Variants in STON2 observed in about 807,000 individuals in gnomAD.
The protein encoded by STON2 is stonin 2.
STON2 carries 29 observed loss-of-function variants against 65.7 expected under a neutral mutation model. The observed-to-expected ratio is 0.44, with a 90% CI of 0.33 to 0.60. The LOEUF (loss-of-function observed/expected upper bound fraction) is 0.60, where lower values mean the gene tolerates loss of function less well. Ranked by LOEUF, STON2 falls within the 20% of genes least tolerant of loss-of-function variation. The probability of loss-of-function intolerance (pLI) is 0.03; values close to 1 mark genes in which losing one functional copy is unlikely to be tolerated. For synonymous variants in STON2, 404 were observed against 414.2 expected (o/e 0.98, Z 0.30); for missense variants, 1,054 against 1,118.1 (o/e 0.94, Z 0.82).
Position 81,263,354 on chromosome 14 carries a change from AT to A in STON2, c.*5059del, listed in dbSNP as rs1259973209. On this transcript the variant is annotated 3_prime_UTR_variant, in exon 8 of 8. Transcript: ENST00000614646. ...AGAAGTTCAAGACCAGCTGGCCAACATAATGAAATCCCATCTCTACTAAAAA... is the reference window on the plus strand; with the variant it reads ...AGAAGTTCAAGACCAGCTGGCCAACAAATGAAATCCCATCTCTACTAAAAA... Among the ~76,000 whole-genome samples, 1 of 152,136 alleles carries A rather than the reference AT, an allele frequency of 6.6e-6. No individual in the cohort carries two copies. The highest frequency in any genetic ancestry group is 1.5e-5 in the Non-Finnish European group (1 of 68,016).
At chr14:81,431,560 C>T (rs989389556) in intron 1 of STON2, among the ~76,000 whole-genome samples, 7 of 152,104 alleles carry the variant, frequency 4.6e-5, no homozygotes, top group African/African-American at 1.7e-4. Flanking sequence ...GGACACATTA[C>T]CTGAGATCAG....
At chr14:81,268,558 T>A in intron 7 of STON2, 61 bp from the exon 8 acceptor site, 3 of 1,285,498 alleles carry the variant, frequency 2.3e-6, no homozygotes, top group Non-Finnish European at 1.0e-6. Context: ...TGCAAATAAA[T>A]AAGTAAACCA....
chr14:81,385,443 C>A (rs1336840464), intron 3 of STON2, among the ~76,000 whole-genome samples: 2 of 152,140 alleles, frequency 1.3e-5, no homozygotes, highest in East Asian at 1.9e-4. Context: ...GTGTATGTAT[C>A]TATGTATATG....
At chr14:81,297,890 T>C (rs1478466648) in intron 5 of STON2, among the ~76,000 whole-genome samples, 1 of 151,826 alleles carries the variant, frequency 6.6e-6, no homozygotes, top group Non-Finnish European at 1.5e-5. Context: ...AATACAAAAT[T>C]AGATGGGTTT....
intron 4 of STON2, among the ~76,000 whole-genome samples, chr14:81,327,722 C>CGTTAA (rs763425086): frequency 9.2e-5 from 14 of 152,174 alleles, no homozygotes; most frequent in Non-Finnish European, 1.5e-4. Context: ...CTGTTTTTGG[C>CGTTAA]CACGACATGT....
At chr14:81,306,535 T>C (rs2140199260) in intron 5 of STON2, 1 of 152,272 alleles carries the variant, frequency 6.6e-6, no homozygotes, top group African/African-American at 2.4e-5. Context: ...TATAGGTCTA[T>C]GCCACTGTGC....
intron 4 of STON2, among the ~76,000 whole-genome samples, chr14:81,346,798 G>A (rs1207198837): frequency 6.6e-6 from 1 of 152,084 alleles, no homozygotes; most frequent in Non-Finnish European, 1.5e-5. Flanking sequence ...CAAATACATG[G>A]AAATTAGACA....
intron 5 of STON2, among the ~76,000 whole-genome samples, chr14:81,279,032 AT>A (rs1894999784): frequency 6.6e-6 from 1 of 152,206 alleles, no homozygotes; most frequent in Non-Finnish European, 1.5e-5. Flanking sequence ...TCCTTATTTT[AT>A]AAAAGCTTCT....
intron 4 of STON2, among the ~76,000 whole-genome samples, chr14:81,364,268 CTA>C (rs920002140): frequency 3.0e-4 from 45 of 152,238 alleles, no homozygotes; most frequent in African/African-American, 1.1e-3. Flanking sequence ...GTTTTAAAGC[CTA>C]TGAGGGTTTA....
At chr14:81,410,037 A>G (rs1901072059) in intron 2 of STON2, among the ~76,000 whole-genome samples, 1 of 152,130 alleles carries the variant, frequency 6.6e-6, no homozygotes, top group South Asian at 2.1e-4. Context: ...TAGTTCATAC[A>G]GCTCTGATCC....
At chr14:81,435,818 C>A (rs1902396750) in intron 1 of STON2, among the ~76,000 whole-genome samples, 1 of 152,218 alleles carries the variant, frequency 6.6e-6, no homozygotes, top group Non-Finnish European at 1.5e-5. Context: ...CACGTCCAGG[C>A]CGCCTCTGGG....
intron 2 of STON2, among the ~76,000 whole-genome samples, chr14:81,406,094 G>A (rs10083372): frequency 0.011 from 1,745 of 152,216 alleles, 32 homozygotes; most frequent in South Asian, 0.078. Context: ...ATTTGCCAGG[G>A]GCTCCTGGGC....
chr14:81,307,129 A>G (rs948880250), intron 5 of STON2, among the ~76,000 whole-genome samples: 4 of 152,242 alleles, frequency 2.6e-5, no homozygotes, highest in Admixed American at 6.5e-5. Flanking sequence ...ATTTCACAAG[A>G]TATGAGCACA....
At chr14:81,268,733 T>A in intron 7 of STON2, 1 of 791,030 alleles carries the variant, frequency 1.3e-6, no homozygotes, top group Non-Finnish European at 1.5e-6. Flanking sequence ...AAATTCTTAT[T>A]CTTTGCCTTG....
At chr14:81,269,578 T>G (rs2140097000) in intron 7 of STON2, 2 of 985,402 alleles carry the variant, frequency 2.0e-6, no homozygotes, top group South Asian at 9.4e-5. Flanking sequence ...CAGTCAGGTT[T>G]GAGGGAGGTG....
At chr14:81,355,316 C>T (rs752774253) in intron 4 of STON2, among the ~76,000 whole-genome samples, 2 of 152,032 alleles carry the variant, frequency 1.3e-5, no homozygotes, top group African/African-American at 2.4e-5. Context: ...TAAAATTCAA[C>T]CCAAAGAGGC....
intron 2 of STON2, among the ~76,000 whole-genome samples, chr14:81,423,434 C>T (rs1474965300): frequency 3.9e-5 from 6 of 152,176 alleles, no homozygotes; most frequent in Admixed American, 2.6e-4. Flanking sequence ...CTGTTAAAAA[C>T]TGTCACCCTA....
intron 4 of STON2, among the ~76,000 whole-genome samples, chr14:81,345,182 A>C (rs74066416): frequency 0.033 from 5,019 of 152,264 alleles, 289 homozygotes; most frequent in African/African-American, 0.11. Context: ...AAACTTCTGA[A>C]TTGTAGTTAC....
intron 5 of STON2, among the ~76,000 whole-genome samples, chr14:81,310,540 T>G (rs553371266): frequency 6.6e-6 from 1 of 152,332 alleles, no homozygotes; most frequent in South Asian, 2.1e-4. Context: ...CTGAGAAGTC[T>G]AATTGCCCTC....
Sources: gnomAD v4.1 joint callset for allele counts (sites outside exome capture counted in the v4.1 genomes callset) on GRCh38, gnomAD v4.1.1 for gene constraint, MANE v1.5 for transcripts, NCBI Gene and HGNC (gene_info 2026-07-23, HGNC 2026-07-21) for gene names.